AK1: variants seen among roughly 807,000 people sequenced by gnomAD.
AK1 encodes the protein adenylate kinase isoenzyme 1.
AK1 carries 13 observed loss-of-function variants against 23.9 expected under a neutral mutation model. That is an observed-to-expected ratio of 0.54 (90% CI 0.35 to 0.86). AK1 has a LOEUF of 0.86. Ranked by LOEUF, AK1 falls within the 40% of genes least tolerant of loss-of-function variation. AK1 has a pLI of 0.01. For synonymous variants in AK1, 97 were observed against 102.8 expected, an observed-to-expected ratio of 0.94 and a Z score of 0.34; for missense variants, 214 against 255.1, an observed-to-expected ratio of 0.84 and a Z score of 1.10.
At chr9:127,874,495 C>T (rs1424549684) in intron 2 of AK1, 116 bp downstream of exon 2, 22 of 1,604,482 alleles carry the variant, frequency 1.4e-5, no homozygotes, top group African/African-American at 9.4e-5. Context: ...AGGCCCCCTC[C>T]GGCAGCCCCA....
intron 2 of AK1, chr9:127,873,571 C>G: frequency 7.0e-7 from 1 of 1,428,772 alleles, no homozygotes. Flanking sequence ...GCCATGGAGA[C>G]AGTTGCCGGG....
chr9:127,871,822 C>A lies in AK1; in HGVS notation c.324+1G>T. The A allele has an allele frequency of 1.2e-6, 2 of 1,613,876 alleles. No homozygotes were observed. Among genetic ancestry groups the A allele is most frequent in the South Asian group, 1.1e-5 (1 of 91,082 alleles). ...GATCCCCACTTGGGTCAGTGCCTTA[C>A]CCGTCGCTCAAACTCTTCTCCTTGC... On this transcript the variant is annotated splice_donor_variant, in intron 5 of 6. Coordinates refer to ENST00000644144, the MANE Select transcript of AK1 (RefSeq NM_000476.3). LOFTEE classifies it high-confidence loss of function. The surrounding 1 kb of genome is among the most constrained non-coding windows in gnomAD (Gnocchi z 4.4).
At position 127,867,963 on chromosome 9, in the gene AK1, C is replaced by G. The variant is rs377177401; in HGVS notation, c.*45G>C. ...AGGCCAGGAGGACCTCGAATCAGGACGGGGTGGGGCGGGGCTCTGAGCTGG... is the reference window on the plus strand; with the variant it reads ...AGGCCAGGAGGACCTCGAATCAGGAGGGGGTGGGGCGGGGCTCTGAGCTGG... On this transcript the variant is annotated 3_prime_UTR_variant, in exon 7 of 7. Coordinates refer to ENST00000644144, the MANE Select transcript of AK1 (RefSeq NM_000476.3). 16 of 1,593,564 alleles carry G rather than the reference C, an allele frequency of 1.0e-5. No individual in the cohort carries two copies. The highest frequency in any genetic ancestry group is 1.3e-5 in the African/African-American group (1 of 74,372).
At chr9:127,879,159 A>G (rs3758323), upstream of AK1, among the ~76,000 whole-genome samples, 148,789 of 152,202 alleles carry the variant, frequency 0.98, 72,807 homozygotes, top group Non-Finnish European at 1. Flanking sequence ...ATGTGGGCAC[A>G]AATTTGCATA....
chr9:127,876,136 C>T (rs534000390), intron 1 of AK1, among the ~76,000 whole-genome samples: 1 of 152,178 alleles, frequency 6.6e-6, no homozygotes, highest in African/African-American at 2.4e-5. Context: ...GATGCCTTTC[C>T]CCACCTTGCT....
At chr9:127,872,891 G>A in intron 3 of AK1, 38 bp from the exon 4 acceptor site, 1 of 1,613,686 alleles carries the variant, frequency 6.2e-7, no homozygotes, top group Non-Finnish European at 8.5e-7. Context: ...CCGAGACACA[G>A]GGTCCCAGGA....
chr9:127,876,740 G>A lies in AK1; in HGVS notation c.-33+883C>T, dbSNP rs562439397. On this transcript the variant is annotated intron_variant, in intron 1 of 6. Coordinates refer to ENST00000644144, the MANE Select transcript of AK1 (RefSeq NM_000476.3). Reference sequence around the variant, plus strand: ...ACTTCCTTGATCCAAAATAACTTGGGTCGTGAGGAGGCCTCACAGAGGACA... The same window carrying A: ...ACTTCCTTGATCCAAAATAACTTGGATCGTGAGGAGGCCTCACAGAGGACA... Among the ~76,000 whole-genome samples the A allele has an allele frequency of 5.9e-4, 90 of 152,030 alleles. 1 individual carries two copies. The highest frequency in any genetic ancestry group is 2.0e-3 in the African/African-American group (85 of 41,464).
rs1374683414 is a variant in AK1, at chr9:127,868,216, C to A, written c.516+105G>T. On this transcript the variant is annotated intron_variant, in intron 6 of 6. Coordinates refer to ENST00000644144, the MANE Select transcript of AK1 (RefSeq NM_000476.3). This position sits in a 1 kb window ranked among gnomAD's most constrained non-coding sequence, Gnocchi z 4.1. ...CCCCTCATTGAACCAGTGGGGAAAC[C>A]AAGGCCCAGAGAGAGGGGCTGGCCT... 5 of 1,453,844 alleles carry A rather than the reference C, an allele frequency of 3.4e-6. No homozygotes were observed. The African/African-American group carries it at 7.0e-5, about 20-fold the overall frequency. 90.1% of individuals were successfully genotyped at this position (1,453,844 alleles called of 1,614,324 possible).
At chr9:127,873,347 C>G in intron 2 of AK1, 1 of 1,554,122 alleles carries the variant, frequency 6.4e-7, no homozygotes, top group Non-Finnish European at 8.7e-7. Flanking sequence ...GGGCCGCCAG[C>G]CCTCATGGCG....
chr9:127,873,337 G>A (rs990574020), intron 2 of AK1: 32 of 1,545,912 alleles, frequency 2.1e-5, no homozygotes, highest in Admixed American at 1.2e-4. Context: ...CCAGCGGGCT[G>A]GGCCGCCAGC....
chr9:127,869,380 CCT>C (rs1387420903), intron 5 of AK1: 1 of 153,644 alleles, frequency 6.5e-6, no homozygotes, highest in Non-Finnish European at 1.5e-5. Flanking sequence ...GCCCTGGACC[CCT>C]GTCAAGGCCT....
At chr9:127,879,043 C>G (rs546885394), upstream of AK1, among the ~76,000 whole-genome samples, 2 of 147,382 alleles carry the variant, frequency 1.4e-5, no homozygotes, top group African/African-American at 5.0e-5. Context: ...GGAAACATAA[C>G]GAGATCCCGT....
Position 127,873,009 on chromosome 9 carries a change from G to T in AK1, c.43+17C>A. 6.2e-7 allele frequency: 1 copy of T among 1,613,978 alleles called. No homozygotes were observed. Reference sequence around the variant, plus strand: ...AGTGAAGACCCTTGCTGCACCACCCGCCTGCCCGCAACTCACCCACCACAA... The same window carrying T: ...AGTGAAGACCCTTGCTGCACCACCCTCCTGCCCGCAACTCACCCACCACAA... On this transcript the variant is annotated intron_variant, in intron 3 of 6. Transcript: ENST00000644144.
upstream of AK1, chr9:127,878,380 C>T (rs1829585354): frequency 1.3e-5 from 2 of 152,276 alleles, no homozygotes; most frequent in Admixed American, 1.3e-4. Flanking sequence ...CCATAATGAG[C>T]ACTCACTGTG....
Position 127,874,610 on chromosome 9 carries a change from C to G in AK1, c.7+1G>C. On this transcript the variant is annotated splice_donor_variant, in intron 2 of 6. Transcript: ENST00000644144. LOFTEE classifies it high-confidence loss of function. ...TGGGCAAAAGGAGAGGAGGCTCATA[C>G]CTTCCATCCTGCCGAGGTCCCGGGA... 4 of 1,613,644 alleles carry G rather than the reference C, an allele frequency of 2.5e-6. No individual in the cohort carries two copies. Among genetic ancestry groups the G allele is most frequent in the Non-Finnish European group, 3.4e-6 (4 of 1,179,954 alleles).
chr9:127,872,867 C>T lies in AK1; in HGVS notation c.44-14G>A, dbSNP rs1210651466. Reference sequence around the variant, plus strand: ...AGCCAGGCCCACCTGCAAACGCCCACCCATTCATAAACCCCGAGACACAGG... The same window carrying T: ...AGCCAGGCCCACCTGCAAACGCCCATCCATTCATAAACCCCGAGACACAGG... On this transcript the variant is annotated splice_polypyrimidine_tract_variant and intron_variant, in intron 3 of 6. Coordinates refer to ENST00000644144, the MANE Select transcript of AK1 (RefSeq NM_000476.3). 1 of 1,613,886 alleles carries T rather than the reference C, an allele frequency of 6.2e-7. No homozygotes were observed. Among genetic ancestry groups the T allele is most frequent in the Non-Finnish European group, 8.5e-7 (1 of 1,179,990 alleles).
chr9:127,873,123 T>G (rs1431688572), intron 2 of AK1, 62 bp from the exon 3 acceptor site: 1 of 1,588,270 alleles, frequency 6.3e-7, no homozygotes, highest in Non-Finnish European at 8.6e-7. Context: ...CAGAGGCACC[T>G]CTGGAGTCCC....
chr9:127,867,820 A>G lies in AK1; in HGVS notation c.*188T>C. 4 of 609,116 alleles carry G rather than the reference A, an allele frequency of 6.6e-6. No homozygotes were observed. The highest frequency in any genetic ancestry group is 1.2e-5 in the Non-Finnish European group (4 of 340,528). 37.7% of individuals were successfully genotyped at this position (609,116 alleles called of 1,614,324 possible). A position where few individuals can be genotyped will look rare whatever the true frequency, so the allele number is the denominator to read the frequency against. On this transcript the variant is annotated 3_prime_UTR_variant, in exon 7 of 7. Transcript: ENST00000644144. ...GAATCAACTCCAACTGGAAGCAGAG[A>G]AAAAGCAGTAAAACCAAATGTCCTT... is the stretch of plus-strand genomic sequence containing the variant.
rs7031929 is a variant in AK1 at position 127,868,094 on chromosome 9, G to A, written c.517-18C>T. 4,751 of 1,613,658 alleles carry A rather than the reference G, an allele frequency of 2.9e-3. 108 individuals are homozygous for A. The African/African-American group carries it at 0.056, about 19-fold the overall frequency. The stretch of plus-strand genomic sequence containing the variant: ...GCGTTGACCTGTGGGGAGATGGGCC[G>A]TGAGGGCTGAGTCACCAGGTGGAGT... On this transcript the variant is annotated intron_variant, in intron 6 of 6. Transcript: ENST00000644144. The surrounding 1 kb of genome is among the most constrained non-coding windows in gnomAD (Gnocchi z 4.1).
Sources: allele counts gnomAD v4.1 joint callset (sites outside exome capture counted in the v4.1 genomes callset), GRCh38; gene constraint gnomAD v4.1.1; non-coding constraint Gnocchi (gnomAD v3.1); transcripts MANE v1.5; gene names NCBI Gene and HGNC (gene_info 2026-07-23, HGNC 2026-07-21).